The following PCDH7 variants were observed in gnomAD, a reference collection of about 807,000 sequenced individuals.
PCDH7 encodes the protein protocadherin-7.
A neutral mutation model predicts 58.9 loss-of-function variants in PCDH7; 17 were observed. The ratio of observed to expected loss-of-function variants is 0.29; its 90% confidence interval spans 0.20 to 0.43. The LOEUF is 0.43. Among genes scored for constraint, PCDH7 ranks in the 20% least tolerant of loss-of-function variants. The probability of loss-of-function intolerance (pLI) is 1.00; values close to 1 mark genes in which losing one functional copy is unlikely to be tolerated. For missense variants in PCDH7, 1,274 were observed against 1,441.0 expected (o/e 0.88, Z 1.88); for synonymous variants, 664 against 616.4 (o/e 1.08, Z -1.14).
chr4:30,796,765 C>A lies in PCDH7; in HGVS notation c.70+72169C>A, dbSNP rs187572714. 1.1e-4 allele frequency among the ~76,000 whole-genome samples: 16 copies of A among 152,196 alleles called. No individual in the cohort carries two copies. The East Asian group carries it at 2.5e-3, about 24-fold the overall frequency. On this transcript the variant is annotated intron_variant, in intron 1 of 3. Transcript: ENST00000509759. ...TCCCTTTCCCACTTTACTTTCTGTTCTTCTTCTAGAGCTCTATTTTCCAAC... is the reference window on the plus strand; with the variant it reads ...TCCCTTTCCCACTTTACTTTCTGTTATTCTTCTAGAGCTCTATTTTCCAAC...
chr4:30,892,127 A>G (rs369126297), intron 1 of PCDH7, among the ~76,000 whole-genome samples: 3 of 152,090 alleles, frequency 2.0e-5, no homozygotes, highest in African/African-American at 7.2e-5. Flanking sequence ...TGTTGCAGTA[A>G]ATCAGAAGGA....
intron 1 of PCDH7, among the ~76,000 whole-genome samples, chr4:30,745,233 A>G (rs1717618227): frequency 1.5e-5 from 2 of 132,762 alleles, no homozygotes; most frequent in South Asian, 4.8e-4. Context: ...ACGTAATCTC[A>G]TATTTTTACA....
chr4:30,832,454 G>A (rs1292583356), intron 1 of PCDH7, among the ~76,000 whole-genome samples: 1 of 152,248 alleles, frequency 6.6e-6, no homozygotes, highest in African/African-American at 2.4e-5. Flanking sequence ...TGTTAACAGT[G>A]AAGCCTGTTG....
At chr4:30,996,848 A>G (rs1259657772) in intron 3 of PCDH7, among the ~76,000 whole-genome samples, 1 of 152,208 alleles carries the variant, frequency 6.6e-6, no homozygotes, top group African/African-American at 2.4e-5. Context: ...CAAAGCTAAT[A>G]ATCCATGGTG....
At chr4:30,756,565 C>T (rs1719340723) in intron 1 of PCDH7, among the ~76,000 whole-genome samples, 1 of 152,196 alleles carries the variant, frequency 6.6e-6, no homozygotes, top group Admixed American at 6.5e-5. Flanking sequence ...ACAACCTCTT[C>T]TTATCTTTCA....
At chr4:30,999,199 A>T (rs1752149076) in intron 3 of PCDH7, among the ~76,000 whole-genome samples, 1 of 152,136 alleles carries the variant, frequency 6.6e-6, no homozygotes. Context: ...CTAGTTAACT[A>T]CTTAGAGACC....
intron 3 of PCDH7, among the ~76,000 whole-genome samples, chr4:31,115,153 A>G (rs1365922049): frequency 6.6e-6 from 1 of 152,232 alleles, no homozygotes; most frequent in Non-Finnish European, 1.5e-5. Context: ...ATACAGTACA[A>G]AATAAACAGC....
At chr4:31,129,330 T>G (rs1718683271) in intron 3 of PCDH7, among the ~76,000 whole-genome samples, 1 of 152,136 alleles carries the variant, frequency 6.6e-6, no homozygotes, top group Non-Finnish European at 1.5e-5. Flanking sequence ...ACGAGATGCC[T>G]TGGAACACTG....
At chr4:31,057,867 A>G (rs981784934) in intron 3 of PCDH7, among the ~76,000 whole-genome samples, 1 of 152,140 alleles carries the variant, frequency 6.6e-6, no homozygotes, top group Non-Finnish European at 1.5e-5. Context: ...TAAAGAGGAG[A>G]CAAAACATGT....
At chr4:31,081,572 A>G (rs1318830886) in intron 3 of PCDH7, among the ~76,000 whole-genome samples, 1 of 152,104 alleles carries the variant, frequency 6.6e-6, no homozygotes, top group Non-Finnish European at 1.5e-5. Context: ...GTCTTTCAAT[A>G]TTGCAACATT....
At chr4:31,097,831 C>T (rs553938995) in intron 3 of PCDH7, among the ~76,000 whole-genome samples, 1 of 151,392 alleles carries the variant, frequency 6.6e-6, no homozygotes, top group East Asian at 1.9e-4. Flanking sequence ...TTAGGATCTA[C>T]TTGTATCTTA....
chr4:31,015,740 C>CT (rs1369744714), intron 3 of PCDH7, among the ~76,000 whole-genome samples: 1 of 152,118 alleles, frequency 6.6e-6, no homozygotes, highest in African/African-American at 2.4e-5. Flanking sequence ...CATAAAGTCT[C>CT]TAAAGGTAGT....
At chr4:30,972,228 T>A (rs1313775185) in intron 3 of PCDH7, among the ~76,000 whole-genome samples, 1 of 152,204 alleles carries the variant, frequency 6.6e-6, no homozygotes. Context: ...AACACCAGTA[T>A]TTCATTTGCC....
chr4:31,114,612 T>A (rs1317800020), intron 3 of PCDH7, among the ~76,000 whole-genome samples: 1 of 139,536 alleles, frequency 7.2e-6, no homozygotes, highest in Non-Finnish European at 1.5e-5. Flanking sequence ...TCACTCACCA[T>A]GCACACACTC....
chr4:30,934,290 A>G (rs1344598280), intron 2 of PCDH7, among the ~76,000 whole-genome samples: 2 of 152,130 alleles, frequency 1.3e-5, no homozygotes, highest in African/African-American at 2.4e-5. Context: ...AGTTCTGTCA[A>G]TTGCTCATGG....
rs532487058 is a variant in PCDH7 at position 31,012,656 on chromosome 4, T to C, written c.*7+62441T>C. Among the ~76,000 whole-genome samples the C allele has an allele frequency of 3.6e-4, 55 of 150,788 alleles. 1 individual carries two copies. The highest frequency in any genetic ancestry group is 1.3e-3 in the African/African-American group (54 of 41,482). ...GCCAGAAAAGTTATTTCTACTAAAA[T>C]AGTAAAAATAAGAAATTATCTTACT... is the stretch of plus-strand genomic sequence containing the variant. On this transcript the variant is annotated intron_variant, in intron 3 of 3. Transcript: ENST00000509759.
chr4:31,070,794 G>C (rs1424468379), intron 3 of PCDH7, among the ~76,000 whole-genome samples: 1 of 152,002 alleles, frequency 6.6e-6, no homozygotes, highest in East Asian at 1.9e-4. Flanking sequence ...GAAAATAGAG[G>C]AAGTTTTATT....
chr4:30,854,733 G>A (rs1386170612), intron 1 of PCDH7, among the ~76,000 whole-genome samples: 3 of 152,012 alleles, frequency 2.0e-5, no homozygotes, highest in Admixed American at 2.0e-4. Context: ...TCCAAGAGTC[G>A]GAATTTTTAC....
chr4:30,879,147 C>T (rs542316438), intron 1 of PCDH7, among the ~76,000 whole-genome samples: 138 of 152,002 alleles, frequency 9.1e-4, no homozygotes, highest in Non-Finnish European at 1.5e-3. Context: ...AAATCCAATT[C>T]TTTCCTCCTG....
Sources: allele counts gnomAD v4.1 joint callset (sites outside exome capture counted in the v4.1 genomes callset), GRCh38; gene constraint gnomAD v4.1.1; transcripts MANE v1.5; gene names NCBI Gene and HGNC (gene_info 2026-07-23, HGNC 2026-07-21).